The following SBF2 variants were observed in gnomAD, a reference collection of about 807,000 sequenced individuals.
The protein encoded by SBF2 is SET binding factor 2.
In SBF2, 112 loss-of-function variants were observed where a neutral mutation model predicts 225.2. The ratio of observed to expected loss-of-function variants is 0.50; its 90% CI spans 0.43 to 0.58. The LOEUF is 0.58. Among genes scored for constraint, SBF2 ranks in the 20% least tolerant of loss-of-function variants. SBF2 has a pLI of 0.00. For synonymous variants in SBF2, 763 were observed against 773.3 expected, an observed-to-expected ratio of 0.99 and a Z score of 0.22; for missense variants, 1,996 against 2,206.2, an observed-to-expected ratio of 0.90 and a Z score of 1.91.
chr11:10,214,440 G>A (rs113064925), intron 1 of SBF2, among the ~76,000 whole-genome samples: 10 of 152,040 alleles, frequency 6.6e-5, no homozygotes, highest in Non-Finnish European at 1.3e-4. Flanking sequence ...TGGCTAACAC[G>A]GTGAAACCCC....
chr11:10,119,467 T>A (rs1953326997), intron 2 of SBF2, among the ~76,000 whole-genome samples: 1 of 152,170 alleles, frequency 6.6e-6, no homozygotes, highest in African/African-American at 2.4e-5. Context: ...GTTAAATAAA[T>A]GTTCATTTAA....
rs1021080120 is a variant in SBF2 at position 9,977,365 on chromosome 11, T to C, written c.1396-8820A>G. Reference sequence around the variant, plus strand: ...AGCTAGGCATGGTGATGTGTGCCTGTAGTCCCAGCTACTAGGAAGGCTGAA... The same window carrying C: ...AGCTAGGCATGGTGATGTGTGCCTGCAGTCCCAGCTACTAGGAAGGCTGAA... On this transcript the variant is annotated intron_variant, in intron 13 of 39. Coordinates refer to ENST00000256190, the MANE Select transcript of SBF2 (RefSeq NM_030962.4). Among the ~76,000 whole-genome samples, 8 of 151,948 alleles carry C rather than the reference T, an allele frequency of 5.3e-5. No individual in the cohort carries two copies. In the South Asian group the frequency reaches 6.2e-4, roughly 12 times the overall value.
chr11:10,004,861 A>G (rs187249311), intron 6 of SBF2, among the ~76,000 whole-genome samples: 6 of 152,312 alleles, frequency 3.9e-5, no homozygotes, highest in Admixed American at 3.9e-4. Flanking sequence ...TTATATACCT[A>G]TGACCTGGAA....
intron 1 of SBF2, among the ~76,000 whole-genome samples, chr11:10,254,562 T>G (rs144404397): frequency 6.7e-6 from 1 of 148,572 alleles, no homozygotes; most frequent in Admixed American, 6.7e-5. Context: ...GATGAATGAA[T>G]AAAGAAAATG....
rs186767637 is a variant in SBF2 at position 10,270,141 on chromosome 11, G to A, written c.55+23874C>T. ...TATATTAAAATGATAAAAACATTTT[G>A]TAGTTAATAAAAATTGATGTTATGT... On this transcript the variant is annotated intron_variant, in intron 1 of 39. Coordinates refer to ENST00000256190, the MANE Select transcript of SBF2 (RefSeq NM_030962.4). 1.3e-3 allele frequency among the ~76,000 whole-genome samples: 199 copies of A among 152,072 alleles called. 3 individuals carry two copies. The highest frequency in any genetic ancestry group is 9.9e-3 in the Admixed American group (151 of 15,280).
intron 2 of SBF2, among the ~76,000 whole-genome samples, chr11:10,106,264 AAAAT>A (rs1952549335): frequency 6.6e-6 from 1 of 152,146 alleles, no homozygotes; most frequent in African/African-American, 2.4e-5. Flanking sequence ...TGAAATAAAG[AAAAT>A]AAAGAAAAGA....
At chr11:9,919,159 C>T (rs1415383205) in intron 16 of SBF2, among the ~76,000 whole-genome samples, 2 of 152,210 alleles carry the variant, frequency 1.3e-5, no homozygotes, top group African/African-American at 4.8e-5. Flanking sequence ...AATTCCTAGA[C>T]ATTTCTTTAT....
At chr11:10,118,586 T>C (rs1330265683) in intron 2 of SBF2, among the ~76,000 whole-genome samples, 2 of 152,138 alleles carry the variant, frequency 1.3e-5, no homozygotes, top group African/African-American at 4.8e-5. Flanking sequence ...ATAAATAATA[T>C]TTGGTTGTAC....
chr11:9,938,437 A>G (rs1246078696), intron 16 of SBF2, among the ~76,000 whole-genome samples: 2 of 152,120 alleles, frequency 1.3e-5, no homozygotes, highest in Non-Finnish European at 2.9e-5. Context: ...TTTATATTAA[A>G]TAATCAATGC....
intron 29 of SBF2, among the ~76,000 whole-genome samples, chr11:9,813,524 C>T (rs1028666611): frequency 2.6e-5 from 4 of 152,012 alleles, no homozygotes; most frequent in Non-Finnish European, 5.9e-5. Flanking sequence ...GATGGGCTTT[C>T]ACCATGTTGC....
rs794727133 is a variant in SBF2 at position 9,968,521 on chromosome 11, A to G, written c.1420T>C (p.Phe474Leu). 7 of 1,613,946 alleles carry G rather than the reference A, an allele frequency of 4.3e-6. No individual in the cohort carries two copies. The highest frequency in any genetic ancestry group is 2.7e-5 in the African/African-American group (2 of 74,922). The change falls in exon 14 of 40, where the codon TTC becomes CTC. Residue 474 changes from phenylalanine (F) to leucine (L), a missense_variant. Coordinates refer to ENST00000256190, the MANE Select transcript of SBF2 (RefSeq NM_030962.4). ...TCTGTTGGCCGTGGAACTTTCTGGAATGCCATATGAGGATTTGGATTCTCC... is the reference window on the plus strand; with the variant it reads ...TCTGTTGGCCGTGGAACTTTCTGGAGTGCCATATGAGGATTTGGATTCTCC... Reference protein sequence around the residue: ...KNENPNPHMAFQKVPRPTEGS... With the variant: ...KNENPNPHMALQKVPRPTEGS...
intron 13 of SBF2, among the ~76,000 whole-genome samples, chr11:9,987,866 G>C (rs1227469544): frequency 6.6e-6 from 1 of 152,112 alleles, no homozygotes; most frequent in Non-Finnish European, 1.5e-5. Context: ...CAAATTCAAT[G>C]CAATCCTCAT....
chr11:10,171,402 C>T lies in SBF2; in HGVS notation c.141+22500G>A, dbSNP rs540421818. Among the ~76,000 whole-genome samples, 222 of 152,194 alleles carry T rather than the reference C, an allele frequency of 1.5e-3. 2 individuals carry two copies. The South Asian group carries it at 0.017, about 11-fold the overall frequency. On this transcript the variant is annotated intron_variant, in intron 2 of 39. Coordinates refer to ENST00000256190, the MANE Select transcript of SBF2 (RefSeq NM_030962.4). ...TTCAGCATCAATTAAAATGATCACA[C>T]GGTTTTTGTACATTCTGTTGATAAA...
chr11:10,094,120 C>T (rs1035424588), intron 2 of SBF2, among the ~76,000 whole-genome samples: 4 of 152,152 alleles, frequency 2.6e-5, no homozygotes, highest in Non-Finnish European at 4.4e-5. Context: ...CACCTAAGGT[C>T]AGGAGTTTGA....
intron 7 of SBF2, among the ~76,000 whole-genome samples, chr11:10,001,734 G>T (rs536082792): frequency 6.6e-6 from 1 of 152,092 alleles, no homozygotes; most frequent in Admixed American, 6.6e-5. Flanking sequence ...CACCGTGTTA[G>T]CCAGGATGGT....
intron 2 of SBF2, among the ~76,000 whole-genome samples, chr11:10,088,222 G>A (rs1034966384): frequency 2.0e-5 from 3 of 151,590 alleles, no homozygotes; most frequent in Non-Finnish European, 4.4e-5. Context: ...ACAAGGTTTT[G>A]CCATGTTGCC....
chr11:9,984,061 G>C (rs1947084532), intron 13 of SBF2, among the ~76,000 whole-genome samples: 1 of 152,128 alleles, frequency 6.6e-6, no homozygotes, highest in Non-Finnish European at 1.5e-5. Context: ...CACTAGTAAT[G>C]GATCCAAACC....
intron 1 of SBF2, among the ~76,000 whole-genome samples, chr11:10,300,871 A>G (rs1964593386): frequency 6.9e-6 from 1 of 144,078 alleles, no homozygotes; most frequent in Non-Finnish European, 1.5e-5. Flanking sequence ...CTGGTCTTGA[A>G]CTCCTGAGCT....
intron 2 of SBF2, among the ~76,000 whole-genome samples, chr11:10,086,037 G>A (rs551907479): frequency 7.2e-6 from 1 of 139,648 alleles, no homozygotes; most frequent in South Asian, 2.2e-4. Flanking sequence ...GCACACACGT[G>A]CATGTGTGCA....
Sources: allele counts gnomAD v4.1 joint callset (sites outside exome capture counted in the v4.1 genomes callset), GRCh38; gene constraint gnomAD v4.1.1; transcripts MANE v1.5; gene names NCBI Gene and HGNC (gene_info 2026-07-23, HGNC 2026-07-21).